SHLD2: variants seen among roughly 807,000 people sequenced by gnomAD.
SHLD2 encodes RINN1-REV7-interacting novel NHEJ regulator 2.
Under a neutral mutation model 73.2 loss-of-function variants are expected in SHLD2, and 30 were observed. The observed-to-expected ratio is 0.41, with a 90% CI of 0.31 to 0.56. SHLD2 has a LOEUF of 0.56. SHLD2 is among the 20% of genes least tolerant of loss of function. The pLI is 0.28. For synonymous variants in SHLD2, 285 were observed against 370.1 expected (o/e 0.77, Z 2.64); for missense variants, 745 against 1,055.9 (o/e 0.71, Z 4.08).
At chr10:87,112,064 C>A (rs1478857361) in intron 2 of SHLD2, among the ~76,000 whole-genome samples, 3 of 151,376 alleles carry the variant, frequency 2.0e-5, no homozygotes, top group East Asian at 4.0e-4. Context: ...GGTGAAACCC[C>A]GTCTCTACTA....
At chr10:87,142,347 C>T (rs1845256577) in intron 2 of SHLD2, among the ~76,000 whole-genome samples, 1 of 152,174 alleles carries the variant, frequency 6.6e-6, no homozygotes, top group Non-Finnish European at 1.5e-5. Flanking sequence ...GATTCTAGCT[C>T]CACATTGTGC....
At chr10:87,173,801 A>G (rs1282092529) in intron 6 of SHLD2, among the ~76,000 whole-genome samples, 1 of 152,224 alleles carries the variant, frequency 6.6e-6, no homozygotes, top group East Asian at 1.9e-4. Context: ...CAAAAGACAC[A>G]TATCTATAGA....
At chr10:87,147,607 A>G (rs1845714627) in intron 2 of SHLD2, among the ~76,000 whole-genome samples, 1 of 152,098 alleles carries the variant, frequency 6.6e-6, no homozygotes, top group South Asian at 2.1e-4. Flanking sequence ...GATTACCCAT[A>G]GTAGGCCTGT....
At chr10:87,141,978 C>G (rs2134234080) in intron 2 of SHLD2, among the ~76,000 whole-genome samples, 1 of 150,562 alleles carries the variant, frequency 6.6e-6, no homozygotes, top group East Asian at 2.0e-4. Flanking sequence ...TTGCAGTGAG[C>G]TGAGATTGCG....
intron 2 of SHLD2, among the ~76,000 whole-genome samples, chr10:87,134,082 GA>G (rs1844624039): frequency 6.6e-6 from 1 of 152,196 alleles, no homozygotes; most frequent in Non-Finnish European, 1.5e-5. Context: ...TGTAATACAG[GA>G]AACTGCTTTG....
intron 7 of SHLD2, among the ~76,000 whole-genome samples, chr10:87,178,039 C>T (rs543217850): frequency 1.3e-5 from 2 of 151,680 alleles, no homozygotes; most frequent in South Asian, 4.2e-4. Flanking sequence ...AGTTTGAGAC[C>T]AGCCTGGCCA....
intron 2 of SHLD2, among the ~76,000 whole-genome samples, chr10:87,142,761 C>T (rs3129354): frequency 0.65 from 91,917 of 141,890 alleles, 29,036 homozygotes; most frequent in East Asian, 0.82. Flanking sequence ...AAAGTTCTTT[C>T]TTTTTTTTTT....
chr10:87,184,525 A>G (rs1386370601), intron 8 of SHLD2, among the ~76,000 whole-genome samples: 1 of 151,668 alleles, frequency 6.6e-6, no homozygotes, highest in Non-Finnish European at 1.5e-5. Flanking sequence ...GCACACCAGC[A>G]GTCTCTTGGT....
intron 6 of SHLD2, among the ~76,000 whole-genome samples, chr10:87,172,887 G>A (rs1847689330): frequency 6.6e-6 from 1 of 151,962 alleles, no homozygotes. Context: ...GGTTATTTCT[G>A]TATGGTAGTA....
intron 2 of SHLD2, among the ~76,000 whole-genome samples, chr10:87,144,221 G>C (rs1248613837): frequency 6.6e-6 from 1 of 152,070 alleles, no homozygotes; most frequent in Non-Finnish European, 1.5e-5. Flanking sequence ...CTGTTTGAGT[G>C]CTTGGACTTT....
intron 2 of SHLD2, among the ~76,000 whole-genome samples, chr10:87,140,169 A>G (rs987395339): frequency 1.3e-5 from 2 of 152,142 alleles, no homozygotes; most frequent in Admixed American, 6.6e-5. Context: ...TTGTAATCCT[A>G]GCACTTTGGG....
At chr10:87,135,107 T>C (rs1302253687) in intron 2 of SHLD2, among the ~76,000 whole-genome samples, 5 of 152,088 alleles carry the variant, frequency 3.3e-5, no homozygotes, top group African/African-American at 4.8e-5. Flanking sequence ...AGAGTTCCCA[T>C]AGATGCTGCC....
chr10:87,125,852 G>A (rs1178060753), intron 2 of SHLD2, among the ~76,000 whole-genome samples: 15 of 151,774 alleles, frequency 9.9e-5, no homozygotes, highest in East Asian at 1.9e-4. Context: ...GCTTGAACCC[G>A]GGAGGCGGAG....
rs184555253 is a variant in SHLD2, at chr10:87,122,871, G to A, written c.-6+25882G>A. Among the ~76,000 whole-genome samples, 56 of 152,108 alleles carry A rather than the reference G, an allele frequency of 3.7e-4. No individual in the cohort carries two copies. The East Asian group carries it at 7.0e-3, about 19-fold the overall frequency. On this transcript the variant is annotated intron_variant, in intron 2 of 9. Transcript: ENST00000298786. ...TGGCTCACTGCAAGCTGTGCCTCCC[G>A]GGTTCACGCCATTCTCCTGCCTCAG...
chr10:87,126,748 T>TTGG (rs1401789172), intron 2 of SHLD2, among the ~76,000 whole-genome samples: 6 of 152,190 alleles, frequency 3.9e-5, no homozygotes, highest in African/African-American at 1.4e-4. Context: ...TTTATTGTTC[T>TTGG]TGGTGCTTAA....
intron 2 of SHLD2, among the ~76,000 whole-genome samples, chr10:87,099,568 T>C (rs1451215380): frequency 1.3e-5 from 2 of 152,256 alleles, no homozygotes; most frequent in Non-Finnish European, 2.9e-5. Flanking sequence ...TCATCATTGA[T>C]GGACACTTGG....
At chr10:87,094,485 C>T (rs1282859593), upstream of SHLD2, 3 of 1,613,562 alleles carry the variant, frequency 1.9e-6, no homozygotes, top group African/African-American at 2.7e-5. The surrounding 1 kb of genome is among the most constrained non-coding windows in gnomAD (Gnocchi z 6.6). Context: ...GCTTCTGCTC[C>T]TCGCTCTCCC....
At chr10:87,145,198 C>G (rs191356278) in intron 2 of SHLD2, among the ~76,000 whole-genome samples, 1 of 152,228 alleles carries the variant, frequency 6.6e-6, no homozygotes, top group East Asian at 1.9e-4. Flanking sequence ...TCCTCAGCCT[C>G]CCAGCATTTA....
chr10:87,106,459 A>T (rs753971228), intron 2 of SHLD2, among the ~76,000 whole-genome samples: 1 of 152,168 alleles, frequency 6.6e-6, no homozygotes, highest in South Asian at 2.1e-4. Flanking sequence ...AGGAATTATG[A>T]TATTTGCAGT....
Sources: gnomAD v4.1 joint callset for allele counts (sites outside exome capture counted in the v4.1 genomes callset) on GRCh38, gnomAD v4.1.1 for gene constraint, Gnocchi (gnomAD v3.1) non-coding constraint, MANE v1.5 for transcripts, NCBI Gene and HGNC (gene_info 2026-07-23, HGNC 2026-07-21) for gene names.